Variants in ASTN2 observed in about 807,000 individuals in gnomAD.
ASTN2 encodes the protein astrotactin-2.
Under a neutral mutation model 139.8 loss-of-function variants are expected in ASTN2, and 54 were observed. The ratio of observed to expected loss-of-function variants is 0.39; its 90% CI spans 0.31 to 0.48. ASTN2 has a LOEUF of 0.48. Ranked by LOEUF, ASTN2 falls within the 20% of genes least tolerant of loss-of-function variation. The pLI is 0.95. For missense variants in ASTN2, 1,565 were observed against 1,725.1 expected (o/e 0.91, Z 1.64); for synonymous variants, 756 against 719.5 (o/e 1.05, Z -0.81).
chr9:117,214,672 T>C lies in ASTN2; in HGVS notation c.701A>G (p.Gln234Arg). The change falls in exon 3 of 23, where the codon CAG (glutamine) becomes CGG (arginine). Residue 234 changes from glutamine (Q) to arginine (R), a missense_variant. Gln to Arg is a conservative substitution (Grantham distance 43, BLOSUM62 1). Around this residue, in one of 4 missense-constraint regions of ASTN2, gnomAD observed 596 missense variants for 576.8 expected, o/e 1.03. Coordinates refer to ENST00000313400, the MANE Select transcript of ASTN2 (RefSeq NM_001365068.1). ...CTTCTGGGGGATGCGGCGACGCTTC[T>C]GCCAACGTCGCTGGGCGTACAGCGC... ...TVALYAQRRW[Q>R]KRRRIPQKSA... The C allele has an allele frequency of 1.3e-6, 2 of 1,541,926 alleles. No homozygotes were observed. Among genetic ancestry groups the C allele is most frequent in the Admixed American group, 1.8e-5 (1 of 55,328 alleles).
In ASTN2 at chr9:116,972,695, A is replaced by G. The variant is rs187205075; in HGVS notation, c.1889+2513T>C. Among the ~76,000 whole-genome samples, 7 of 152,314 alleles carry G rather than the reference A, an allele frequency of 4.6e-5. No individual in the cohort carries two copies. The East Asian group carries it at 1.4e-3, about 29-fold the overall frequency. The stretch of plus-strand genomic sequence containing the variant: ...AAATTTAGCTGCCTTGGTAAGTCAC[A>G]GCCTGTACATTTAACTACTAAGTTG... On this transcript the variant is annotated intron_variant, in intron 10 of 22. Coordinates refer to ENST00000313400, the MANE Select transcript of ASTN2 (RefSeq NM_001365068.1).
At chr9:116,932,898 C>G (rs915690236) in intron 10 of ASTN2, among the ~76,000 whole-genome samples, 17 of 151,090 alleles carry the variant, frequency 1.1e-4, no homozygotes, top group African/African-American at 3.9e-4. Flanking sequence ...CCCAGCTACT[C>G]CAGAGGCTGA....
At chr9:116,516,128 C>T (rs577106326) in intron 19 of ASTN2, among the ~76,000 whole-genome samples, 1 of 152,238 alleles carries the variant, frequency 6.6e-6, no homozygotes, top group South Asian at 2.1e-4. Flanking sequence ...AATACAACTA[C>T]ATCTAGAAGT....
At chr9:117,036,375 G>A (rs1271993383) in intron 6 of ASTN2, among the ~76,000 whole-genome samples, 2 of 152,072 alleles carry the variant, frequency 1.3e-5, no homozygotes, top group Non-Finnish European at 2.9e-5. Flanking sequence ...TTTTTCTTTT[G>A]TATTAATTAT....
At chr9:117,146,955 A>C (rs1830212039) in intron 3 of ASTN2, among the ~76,000 whole-genome samples, 1 of 152,196 alleles carries the variant, frequency 6.6e-6, no homozygotes, top group African/African-American at 2.4e-5. Context: ...TGGATATGCT[A>C]ATTACCCTAA....
At chr9:116,756,104 A>T (rs1475671154) in intron 13 of ASTN2, among the ~76,000 whole-genome samples, 1 of 152,198 alleles carries the variant, frequency 6.6e-6, no homozygotes, top group African/African-American at 2.4e-5. Flanking sequence ...GCTTTTTCAG[A>T]TAAATATTGT....
At chr9:117,232,297 CA>C (rs1332964927) in intron 2 of ASTN2, among the ~76,000 whole-genome samples, 2 of 152,162 alleles carry the variant, frequency 1.3e-5, no homozygotes, top group Non-Finnish European at 2.9e-5. Flanking sequence ...AGGTTTTGAT[CA>C]AGATAAATTT....
At chr9:117,379,883 G>A (rs1479005020) in intron 1 of ASTN2, among the ~76,000 whole-genome samples, 1 of 152,154 alleles carries the variant, frequency 6.6e-6, no homozygotes, top group Non-Finnish European at 1.5e-5. Context: ...GAATATAATA[G>A]ATAGCTATGG....
At chr9:117,341,313 T>C (rs951105403) in intron 1 of ASTN2, among the ~76,000 whole-genome samples, 6 of 152,044 alleles carry the variant, frequency 3.9e-5, no homozygotes, top group Non-Finnish European at 7.4e-5. Context: ...TTCACTGAGA[T>C]AGGAATGATC....
intron 10 of ASTN2, among the ~76,000 whole-genome samples, chr9:116,929,359 A>C (rs997112422): frequency 6.6e-6 from 1 of 152,168 alleles, no homozygotes; most frequent in Non-Finnish European, 1.5e-5. Context: ...GCCTAGCTAC[A>C]ATGCATTCCT....
chr9:116,798,663 G>T (rs553793444), intron 13 of ASTN2, among the ~76,000 whole-genome samples: 3 of 152,342 alleles, frequency 2.0e-5, no homozygotes, highest in African/African-American at 7.2e-5. Context: ...AATCCTTTGA[G>T]ATAGCAATGG....
chr9:116,917,897 G>T (rs756694087), intron 10 of ASTN2, among the ~76,000 whole-genome samples: 2 of 152,116 alleles, frequency 1.3e-5, no homozygotes, highest in Non-Finnish European at 2.9e-5. Context: ...ACCTAAATCT[G>T]AACTTGAATT....
At position 117,127,672 on chromosome 9, in the gene ASTN2, G is replaced by GTTTTTTTTTTTTTTTTTTTTTT. The variant is rs11427891; in HGVS notation, c.1168+13632_1168+13653dup. ...AAGTTAGGGTTTTTTTTTTGTTTTG[G>GTTTTTTTTTTTTTTTTTTTTTT]TTTTTTTTTTTTTTTTTTTTTTTTT... is the stretch of plus-strand genomic sequence containing the variant. On this transcript the variant is annotated intron_variant, in intron 4 of 22. Transcript: ENST00000313400. Among the ~76,000 whole-genome samples, 11 of 70,902 alleles carry GTTTTTTTTTTTTTTTTTTTTTT rather than the reference G, an allele frequency of 1.6e-4. 1 individual carries two copies. The highest frequency in any genetic ancestry group is 2.3e-4 in the Non-Finnish European group (9 of 39,968). 46.5% of individuals were successfully genotyped at this position (70,902 alleles called of 152,430 possible). A position where few individuals can be genotyped will look rare whatever the true frequency, so the allele number is the denominator to read the frequency against.
At chr9:116,815,804 C>CAAAAAAAAAAAA (rs55954354) in intron 12 of ASTN2, among the ~76,000 whole-genome samples, 522 of 24,102 alleles carry the variant, frequency 0.022, 176 homozygotes, top group African/African-American at 0.026. Flanking sequence ...GACTCCGTCT[C>CAAAAAAAAAAAA]AAAAAAAAAA....
chr9:116,764,097 C>A (rs911836815), intron 13 of ASTN2, among the ~76,000 whole-genome samples: 1 of 152,098 alleles, frequency 6.6e-6, no homozygotes, highest in Non-Finnish European at 1.5e-5. Context: ...GAGAGCTGAC[C>A]AGAGAAATCA....
intron 2 of ASTN2, among the ~76,000 whole-genome samples, chr9:117,268,424 C>T (rs1833984823): frequency 6.6e-6 from 1 of 152,136 alleles, no homozygotes; most frequent in Non-Finnish European, 1.5e-5. Context: ...AAGTTCAAAT[C>T]CAAGGCCTGA....
intron 1 of ASTN2, among the ~76,000 whole-genome samples, chr9:117,389,644 G>A (rs1830493087): frequency 1.3e-5 from 2 of 152,078 alleles, no homozygotes; most frequent in South Asian, 4.1e-4. Flanking sequence ...ATTCGACACT[G>A]GTATCTATCC....
chr9:117,156,098 T>C (rs1830427020), intron 3 of ASTN2, among the ~76,000 whole-genome samples: 2 of 152,172 alleles, frequency 1.3e-5, no homozygotes, highest in South Asian at 4.1e-4. Context: ...CTGCCTTCAA[T>C]TAAATGAAGG....
intron 16 of ASTN2, among the ~76,000 whole-genome samples, chr9:116,696,583 C>T (rs1007546171): frequency 6.6e-6 from 1 of 152,150 alleles, no homozygotes; most frequent in Non-Finnish European, 1.5e-5. Context: ...GTCATCTTCC[C>T]TTTGAAAATT....
Sources: gnomAD v4.1 joint callset for allele counts (sites outside exome capture counted in the v4.1 genomes callset) on GRCh38, gnomAD v4.1.1 for gene constraint, gnomAD v4.1.1 regional missense constraint, MANE v1.5 for transcripts, NCBI Gene and HGNC (gene_info 2026-07-23, HGNC 2026-07-21) for gene names.